The following DACH1 variants were observed in gnomAD, a reference collection of about 807,000 sequenced individuals.
The protein encoded by DACH1 is dachshund family transcription factor 1, also known as dachshund homolog 1.
In DACH1, 12 loss-of-function variants were observed where a neutral mutation model predicts 54.2. The observed-to-expected ratio is 0.22, with a 90% CI of 0.14 to 0.36. DACH1 has a LOEUF of 0.36. Ranked by LOEUF, DACH1 falls within the 10% of genes least tolerant of loss-of-function variation. The pLI is 1.00. For missense variants in DACH1, 805 were observed against 929.8 expected (o/e 0.87, Z 1.75); for synonymous variants, 386 against 366.2 (o/e 1.05, Z -0.62).
intron 1 of DACH1, among the ~76,000 whole-genome samples, chr13:71,723,192 AG>A (rs1339442286): frequency 6.6e-6 from 1 of 151,852 alleles, no homozygotes; most frequent in Non-Finnish European, 1.5e-5. Context: ...GCTTGAGCCC[AG>A]GAGTTTGAGA....
chr13:71,645,188 T>A (rs1310040900), intron 2 of DACH1, among the ~76,000 whole-genome samples: 1 of 152,186 alleles, frequency 6.6e-6, no homozygotes, highest in Non-Finnish European at 1.5e-5. Flanking sequence ...GGAAGCATTG[T>A]CGGAAGAGCA....
In DACH1 at chr13:71,439,861, A is replaced by G. The variant is rs1039627270; in HGVS notation, c.*794T>C. On this transcript the variant is annotated 3_prime_UTR_variant, in exon 11 of 11. Transcript: ENST00000613252. ...ATGTTTATATACTGTACATATGACC[A>G]ACAGTTTGAATAAGAAGCAACATTA... 3 of 152,436 alleles carry G rather than the reference A, an allele frequency of 2.0e-5. No homozygotes were observed. Among genetic ancestry groups the G allele is most frequent in the Non-Finnish European group, 2.9e-5 (2 of 67,924 alleles). 9.4% of individuals were successfully genotyped at this position (152,436 alleles called of 1,614,324 possible).
chr13:71,444,208 A>T (rs1182824585), intron 10 of DACH1, among the ~76,000 whole-genome samples: 1 of 152,202 alleles, frequency 6.6e-6, no homozygotes, highest in Non-Finnish European at 1.5e-5. Context: ...AATGATTTCT[A>T]CTACATAAAG....
intron 7 of DACH1, among the ~76,000 whole-genome samples, chr13:71,482,131 T>C (rs1878094387): frequency 6.6e-6 from 1 of 152,196 alleles, no homozygotes; most frequent in African/African-American, 2.4e-5. Flanking sequence ...ACCCCAAATT[T>C]TTTTTCTGAG....
chr13:71,509,618 T>A (rs1419746422), intron 6 of DACH1, among the ~76,000 whole-genome samples: 2 of 152,130 alleles, frequency 1.3e-5, no homozygotes, highest in Non-Finnish European at 2.9e-5. Context: ...AGTTTTTCAA[T>A]ATGGGTCCTA....
At chr13:71,849,461 CT>C (rs1873518907) in intron 1 of DACH1, among the ~76,000 whole-genome samples, 2 of 152,208 alleles carry the variant, frequency 1.3e-5, no homozygotes, top group African/African-American at 4.8e-5. Context: ...CTTTAAAGCA[CT>C]GATTTATGCA....
At chr13:71,852,267 G>A (rs529467959) in intron 1 of DACH1, among the ~76,000 whole-genome samples, 2 of 152,180 alleles carry the variant, frequency 1.3e-5, no homozygotes, top group African/African-American at 2.4e-5. Context: ...CTTGCTCTTC[G>A]CGACCACCCC....
intron 1 of DACH1, among the ~76,000 whole-genome samples, chr13:71,729,893 A>T (rs1594145211): frequency 6.6e-6 from 1 of 152,104 alleles, no homozygotes; most frequent in Non-Finnish European, 1.5e-5. Flanking sequence ...TTTATTTTAA[A>T]ATCCTCTGAT....
chr13:71,524,517 A>C lies in DACH1; in HGVS notation c.1570+32507T>G, dbSNP rs181783509. ...GATACTGTAATTCAATGAAGAGCCT[A>C]AGTTAAATAAGGAAAACTTAAATTA... On this transcript the variant is annotated intron_variant, in intron 6 of 10. Coordinates refer to ENST00000613252, the MANE Select transcript of DACH1 (RefSeq NM_080759.6). Among the ~76,000 whole-genome samples, 111 of 152,268 alleles carry C rather than the reference A, an allele frequency of 7.3e-4. 1 individual carries two copies. The highest frequency in any genetic ancestry group is 4.4e-5 in the Non-Finnish European group (3 of 68,016).
intron 6 of DACH1, among the ~76,000 whole-genome samples, chr13:71,519,671 T>C (rs971161089): frequency 4.6e-5 from 7 of 151,150 alleles, no homozygotes; most frequent in Admixed American, 1.3e-4. Flanking sequence ...TAATTTTACT[T>C]AGGTAAATAT....
chr13:71,745,827 T>G (rs1884579640), intron 1 of DACH1, among the ~76,000 whole-genome samples: 1 of 152,096 alleles, frequency 6.6e-6, no homozygotes, highest in African/African-American at 2.4e-5. Context: ...CCTAGAGGGG[T>G]TACCATGTTC....
At chr13:71,846,440 G>C (rs1035430479) in intron 1 of DACH1, 3 of 152,856 alleles carry the variant, frequency 2.0e-5, no homozygotes, top group Non-Finnish European at 2.9e-5. Flanking sequence ...TGGGAGTTCG[G>C]AGCGCAGCCT....
At chr13:71,816,003 T>A (rs1433323777) in intron 1 of DACH1, among the ~76,000 whole-genome samples, 1 of 151,826 alleles carries the variant, frequency 6.6e-6, no homozygotes, top group Non-Finnish European at 1.5e-5. Flanking sequence ...GAGAATGGCA[T>A]GAACCCGGGA....
At chr13:71,633,971 CTTTT>C (rs5804582) in intron 2 of DACH1, among the ~76,000 whole-genome samples, 1 of 142,376 alleles carries the variant, frequency 7.0e-6, no homozygotes, top group Non-Finnish European at 1.5e-5. Context: ...TTTTTTCTTC[CTTTT>C]TTTTTTTTTT....
At chr13:71,466,219 G>A (rs2138150588) in intron 10 of DACH1, among the ~76,000 whole-genome samples, 1 of 151,684 alleles carries the variant, frequency 6.6e-6, no homozygotes, top group South Asian at 2.1e-4. Flanking sequence ...TGATCTTTAG[G>A]GTCCCCTGCT....
At chr13:71,804,569 C>T (rs1425964973) in intron 1 of DACH1, among the ~76,000 whole-genome samples, 1 of 152,164 alleles carries the variant, frequency 6.6e-6, no homozygotes, top group Non-Finnish European at 1.5e-5. Context: ...ATTCAAGGCT[C>T]TTCTTTCTTG....
At chr13:71,758,940 T>C (rs1161386211) in intron 1 of DACH1, among the ~76,000 whole-genome samples, 1 of 151,832 alleles carries the variant, frequency 6.6e-6, no homozygotes, top group Non-Finnish European at 1.5e-5. Context: ...TCTTTTTTTT[T>C]TTTTCCTGTG....
At chr13:71,605,224 T>C (rs74096971) in intron 3 of DACH1, among the ~76,000 whole-genome samples, 1,922 of 152,026 alleles carry the variant, frequency 0.013, 37 homozygotes, top group African/African-American at 0.038. Flanking sequence ...ATATATTTAG[T>C]TCACTGAATC....
intron 1 of DACH1, among the ~76,000 whole-genome samples, chr13:71,760,326 T>C (rs1885352623): frequency 6.6e-6 from 1 of 152,186 alleles, no homozygotes; most frequent in Non-Finnish European, 1.5e-5. Context: ...TGATTTCCAG[T>C]ATTTGTTCAG....
Sources: gnomAD v4.1 joint callset for allele counts (sites outside exome capture counted in the v4.1 genomes callset) on GRCh38, gnomAD v4.1.1 for gene constraint, MANE v1.5 for transcripts, NCBI Gene and HGNC (gene_info 2026-07-23, HGNC 2026-07-21) for gene names.